VAC14: variants seen among roughly 807,000 people sequenced by gnomAD.
The protein encoded by VAC14 is protein VAC14 homolog.
A neutral mutation model predicts 85.3 loss-of-function variants in VAC14; 47 were observed. The ratio of observed to expected loss-of-function variants is 0.55; its 90% confidence interval spans 0.44 to 0.70. VAC14 has a LOEUF of 0.70. Among genes scored for constraint, VAC14 ranks in the 30% least tolerant of loss-of-function variants. The pLI is 0.00. For synonymous variants in VAC14, 447 were observed against 430.5 expected, an observed-to-expected ratio of 1.04 and a Z score of -0.47; for missense variants, 861 against 1,004.3, an observed-to-expected ratio of 0.86 and a Z score of 1.93.
At chr16:70,727,749 G>GC (rs1299936801) in intron 14 of VAC14, among the ~76,000 whole-genome samples, 4 of 152,348 alleles carry the variant, frequency 2.6e-5, no homozygotes, top group Non-Finnish European at 4.4e-5. Flanking sequence ...AACGGCCTCA[G>GC]CCCCCCACAG....
intron 4 of VAC14, 48 bp downstream of exon 4, chr16:70,784,728 C>T (rs372419201): frequency 2.9e-5 from 45 of 1,541,340 alleles, no homozygotes; most frequent in Middle Eastern, 1.7e-4. Flanking sequence ...TACAGACAGA[C>T]GGGAGAAACA....
chr16:70,697,349 A>T, intron 15 of VAC14, 92 bp from the exon 16 acceptor site: 1 of 1,045,012 alleles, frequency 9.6e-7, no homozygotes, highest in Non-Finnish European at 1.4e-6. Flanking sequence ...CCACAGGTCT[A>T]AGTCCCAGGG....
chr16:70,710,364 G>A (rs1411203429), intron 14 of VAC14, among the ~76,000 whole-genome samples: 2 of 152,212 alleles, frequency 1.3e-5, no homozygotes, highest in East Asian at 1.9e-4. Context: ...CAGGGTCCTC[G>A]GAGATTGAGT....
At chr16:70,755,365 G>C (rs2031752223) in intron 12 of VAC14, 1 of 203,596 alleles carries the variant, frequency 4.9e-6, no homozygotes, top group Admixed American at 5.6e-5. Context: ...GTCAGCCAAG[G>C]ACAAAACCCT....
At chr16:70,766,129 G>A (rs1017278344) in intron 10 of VAC14, among the ~76,000 whole-genome samples, 7 of 150,466 alleles carry the variant, frequency 4.7e-5, no homozygotes, top group Non-Finnish European at 1.0e-4. Context: ...TCCAGCCTGG[G>A]TGACAGAGCA....
At chr16:70,790,275 T>A (rs1455307499) in intron 1 of VAC14, among the ~76,000 whole-genome samples, 1 of 152,130 alleles carries the variant, frequency 6.6e-6, no homozygotes, top group African/African-American at 2.4e-5. Flanking sequence ...TAGGTGTTCG[T>A]TCTGGAGCTG....
At chr16:70,761,012 T>C (rs1218886862) in intron 12 of VAC14, 4 of 313,184 alleles carry the variant, frequency 1.3e-5, no homozygotes, top group African/African-American at 1.2e-4. Flanking sequence ...TGTGTGTGTG[T>C]GTGTGTGCAT....
At chr16:70,766,486 A>G (rs1386524438) in intron 10 of VAC14, 1 of 456,676 alleles carries the variant, frequency 2.2e-6, no homozygotes, top group Non-Finnish European at 4.4e-6. Flanking sequence ...GGGCATCTTC[A>G]GGCTGCTACT....
intron 1 of VAC14, among the ~76,000 whole-genome samples, chr16:70,787,709 G>T (rs1021274490): frequency 6.6e-6 from 1 of 152,222 alleles, no homozygotes; most frequent in Non-Finnish European, 1.5e-5. Context: ...GGAGGCAGAA[G>T]GGAAAGAAAC....
chr16:70,696,423 G>C (rs535934112), intron 16 of VAC14, among the ~76,000 whole-genome samples: 2 of 152,334 alleles, frequency 1.3e-5, no homozygotes, highest in Admixed American at 1.3e-4. Flanking sequence ...TGAGGCAGGA[G>C]AATCACTTAA....
chr16:70,691,997 G>T (rs183678564), intron 18 of VAC14: 1 of 985,016 alleles, frequency 1.0e-6, no homozygotes, highest in South Asian at 4.7e-5. Flanking sequence ...CAAGCTGGGC[G>T]CGCTCCATTC....
At chr16:70,753,169 A>G (rs1351043531) in intron 12 of VAC14, among the ~76,000 whole-genome samples, 1 of 152,190 alleles carries the variant, frequency 6.6e-6, no homozygotes, top group African/African-American at 2.4e-5. Flanking sequence ...CTACCCTCAC[A>G]GGGTTGTCTG....
At chr16:70,742,785 T>G (rs1051598925) in intron 13 of VAC14, among the ~76,000 whole-genome samples, 1 of 152,230 alleles carries the variant, frequency 6.6e-6, no homozygotes, top group African/African-American at 2.4e-5. Context: ...CCAGCCCGGC[T>G]GGGCTGTGGC....
At chr16:70,781,827 T>A (rs1366392606) in intron 8 of VAC14, 42 bp downstream of exon 8, 7 of 1,607,958 alleles carry the variant, frequency 4.4e-6, no homozygotes, top group Non-Finnish European at 5.1e-6. Context: ...CATAATCCCT[T>A]TGGGGCTTCT....
At chr16:70,708,484 G>A (rs1467187180) in intron 14 of VAC14, among the ~76,000 whole-genome samples, 6 of 152,092 alleles carry the variant, frequency 3.9e-5, no homozygotes, top group Non-Finnish European at 8.8e-5. Flanking sequence ...GGTTCTTGGC[G>A]GGTGTCTGGC....
chr16:70,728,831 C>T (rs1442744043), intron 14 of VAC14, among the ~76,000 whole-genome samples: 2 of 152,154 alleles, frequency 1.3e-5, no homozygotes, highest in African/African-American at 4.8e-5. Flanking sequence ...AAGGAGAGCT[C>T]ATCATGAGTA....
Position 70,687,978 on chromosome 16 carries a change from G to GCC in VAC14, c.2297_2298dup (p.His767GlyfsTer34). On this transcript the variant is annotated frameshift_variant, in exon 19 of 19. Transcript: ENST00000261776. LOFTEE classifies it high-confidence loss of function. The stretch of plus-strand genomic sequence containing the variant: ...TGGTCCCCACGCCCGCTCCGCTGGT[G>GCC]CCGCACTTCCAGGTGCTTGTTCTGG... 6.3e-7 allele frequency: 1 copy of GCC among 1,597,016 alleles called. No homozygotes were observed. Among genetic ancestry groups the GCC allele is most frequent in the Non-Finnish European group, 8.5e-7 (1 of 1,169,734 alleles).
chr16:70,734,249 C>T (rs2143004616), intron 13 of VAC14, among the ~76,000 whole-genome samples: 1 of 152,310 alleles, frequency 6.6e-6, no homozygotes, highest in South Asian at 2.1e-4. Context: ...AGCAATCCTC[C>T]CGCCTCAGCC....
In VAC14 at chr16:70,731,783, G is replaced by T. The variant is rs138497527; in HGVS notation, c.1529-156C>A. Among the ~76,000 whole-genome samples, 230 of 152,076 alleles carry T rather than the reference G, an allele frequency of 1.5e-3. 2 individuals carry two copies. The highest frequency in any genetic ancestry group is 5.4e-3 in the African/African-American group (223 of 41,470). On this transcript the variant is annotated intron_variant, in intron 13 of 18. Coordinates refer to ENST00000261776, the MANE Select transcript of VAC14 (RefSeq NM_018052.5). ...AAAATCTCTAATCAAGAGCCATGGAGCAACAGAGAAAAAGGCAAGTCTGCA... is the reference window on the plus strand; with the variant it reads ...AAAATCTCTAATCAAGAGCCATGGATCAACAGAGAAAAAGGCAAGTCTGCA...
Sources: gnomAD v4.1 joint callset for allele counts (sites outside exome capture counted in the v4.1 genomes callset) on GRCh38, gnomAD v4.1.1 for gene constraint, MANE v1.5 for transcripts, NCBI Gene and HGNC (gene_info 2026-07-23, HGNC 2026-07-21) for gene names.